ZSWIM4: variants seen among roughly 807,000 people sequenced by gnomAD.
ZSWIM4 encodes the protein zinc finger SWIM domain-containing protein 4.
ZSWIM4 carries 62 observed loss-of-function variants against 102.5 expected under a neutral mutation model. That is an observed-to-expected ratio of 0.60 (90% CI 0.49 to 0.75). The LOEUF (loss-of-function observed/expected upper bound fraction) is 0.75, where lower values mean the gene tolerates loss of function less well. ZSWIM4 is among the 30% of genes least tolerant of loss of function. The pLI, the probability that ZSWIM4 is intolerant of heterozygous loss-of-function variation, is 0.00. For synonymous variants in ZSWIM4, 652 were observed against 674.5 expected, an observed-to-expected ratio of 0.97 and a Z score of 0.52; for missense variants, 1,280 against 1,529.6, an observed-to-expected ratio of 0.84 and a Z score of 2.72.
rs577577279 is a variant in ZSWIM4 at position 13,824,270 on chromosome 19, C to T, written c.2215+770C>T. ...CCTGAACTTCATGACCTCATCTAAA[C>T]CTAATTATTGGCTGGGCACGGTAGC... On this transcript the variant is annotated intron_variant, in intron 11 of 13. Transcript: ENST00000590508. Among the ~76,000 whole-genome samples the T allele has an allele frequency of 5.3e-5, 8 of 152,272 alleles. No individual in the cohort carries two copies. In the South Asian group the frequency reaches 8.3e-4, roughly 16 times the overall value.
At chr19:13,800,857 T>A (rs1009940307) in intron 2 of ZSWIM4, among the ~76,000 whole-genome samples, 1 of 151,592 alleles carries the variant, frequency 6.6e-6, no homozygotes, top group South Asian at 2.1e-4. Context: ...AAAGGAGGGG[T>A]GAGGCCAGAT....
At chr19:13,807,195 C>T (rs1350191671) in intron 3 of ZSWIM4, among the ~76,000 whole-genome samples, 3 of 151,542 alleles carry the variant, frequency 2.0e-5, no homozygotes, top group Non-Finnish European at 4.4e-5. Context: ...GGTGAGTGGG[C>T]AGATAGATCA....
Position 13,832,113 on chromosome 19 carries a change from A to T in ZSWIM4, c.*1063A>T, listed in dbSNP as rs1268944703. On this transcript the variant is annotated 3_prime_UTR_variant, in exon 14 of 14. Transcript: ENST00000590508. ...TTTTCTATTTATTGAACGGTGTATT[A>T]CATGTCCTTTTCCTTTTTTTTTTTC... 1 of 145,106 alleles carries T rather than the reference A, an allele frequency of 6.9e-6. No homozygotes were observed. Among genetic ancestry groups the T allele is most frequent in the Non-Finnish European group, 1.5e-5 (1 of 66,958 alleles). The allele number at this position is 145,106 out of a possible 1,614,324, so 9.0% of individuals were successfully genotyped here.
intron 2 of ZSWIM4, among the ~76,000 whole-genome samples, chr19:13,800,606 A>C (rs1349421962): frequency 6.6e-6 from 1 of 151,828 alleles, no homozygotes; most frequent in East Asian, 1.9e-4. Context: ...ATGGGGTTTT[A>C]CTGTGTTAGC....
At chr19:13,811,193 A>G (rs112980567) in intron 5 of ZSWIM4, among the ~76,000 whole-genome samples, 2,792 of 151,380 alleles carry the variant, frequency 0.018, 87 homozygotes, top group African/African-American at 0.064. Context: ...GATTACAGGC[A>G]TGAGCCACCG....
In ZSWIM4 at chr19:13,809,159, C is replaced by T. The variant is rs528813272; in HGVS notation, c.951C>T (p.Ala317=). 2 of 1,613,482 alleles carry T rather than the reference C, an allele frequency of 1.2e-6. No individual in the cohort carries two copies. Among genetic ancestry groups the T allele is most frequent in the South Asian group, 2.2e-5 (2 of 91,052 alleles). Residue 317 remains alanine (A), a synonymous_variant, in exon 5 of 14, where the codon GCC becomes GCT. Coordinates refer to ENST00000590508, the MANE Select transcript of ZSWIM4 (RefSeq NM_001367834.3). The surrounding 1 kb of genome is among the most constrained non-coding windows in gnomAD (Gnocchi z 4.2). The stretch of plus-strand genomic sequence containing the variant: ...AGTTCCTGCAGGACACGCGCCTGGC[C>T]CTGTGGCGGCAGCAGGGCGCGGGCA... ...TEQFLQDTRL[A]LWRQQGAGMT...
intron 10 of ZSWIM4, among the ~76,000 whole-genome samples, chr19:13,821,716 GT>G (rs1014564341): frequency 3.6e-5 from 5 of 140,832 alleles, no homozygotes; most frequent in South Asian, 2.2e-4. Flanking sequence ...TGCCTGGCTA[GT>G]TTTAAATTTT....
intron 2 of ZSWIM4, among the ~76,000 whole-genome samples, chr19:13,802,559 A>AAG (rs941611816): frequency 2.7e-5 from 4 of 150,864 alleles, no homozygotes; most frequent in Non-Finnish European, 4.4e-5. Flanking sequence ...CAGCCTGGGC[A>AAG]AGAGAGAGAG....
intron 1 of ZSWIM4, among the ~76,000 whole-genome samples, chr19:13,798,353 G>C (rs780662236): frequency 2.0e-5 from 3 of 152,030 alleles, no homozygotes; most frequent in Non-Finnish European, 2.9e-5. Flanking sequence ...TCACTATGTT[G>C]CTCACGCTGG....
At chr19:13,801,431 G>A (rs986237446) in intron 2 of ZSWIM4, among the ~76,000 whole-genome samples, 1 of 152,184 alleles carries the variant, frequency 6.6e-6, no homozygotes, top group African/African-American at 2.4e-5. Flanking sequence ...CAGACCTCGG[G>A]CTGAGGGACC....
chr19:13,813,176 G>T lies in ZSWIM4; in HGVS notation c.1180+12G>T. On this transcript the variant is annotated intron_variant, in intron 6 of 13. Coordinates refer to ENST00000590508, the MANE Select transcript of ZSWIM4 (RefSeq NM_001367834.3). ...GGCCCCCGCCCCAGGTAGGAGAGAGGGGTCTTTACCATGCCCCCCAAAAAC... is the reference window on the plus strand; with the variant it reads ...GGCCCCCGCCCCAGGTAGGAGAGAGTGGTCTTTACCATGCCCCCCAAAAAC... 1 of 1,600,414 alleles carries T rather than the reference G, an allele frequency of 6.2e-7. No individual in the cohort carries two copies. Among genetic ancestry groups the T allele is most frequent in the Non-Finnish European group, 8.5e-7 (1 of 1,171,164 alleles).
intron 8 of ZSWIM4, among the ~76,000 whole-genome samples, 179 bp from the exon 9 acceptor site, chr19:13,817,543 G>C (rs751855524): frequency 2.6e-5 from 4 of 152,218 alleles, no homozygotes; most frequent in Admixed American, 6.5e-5. Context: ...GGCCACCATA[G>C]GCCTAGCTGC....
chr19:13,824,763 A>G (rs894650107), intron 11 of ZSWIM4, among the ~76,000 whole-genome samples: 1 of 149,892 alleles, frequency 6.7e-6, no homozygotes, highest in African/African-American at 2.4e-5. Context: ...AATAATAATA[A>G]TAATAATAAT....
At chr19:13,800,062 AAG>A in intron 2 of ZSWIM4, 141 bp downstream of exon 2, 1 of 517,648 alleles carries the variant, frequency 1.9e-6, no homozygotes. Context: ...AGGATTGTAC[AAG>A]ATTTTTTTTT....
chr19:13,810,587 A>G (rs1311952268), intron 5 of ZSWIM4, among the ~76,000 whole-genome samples: 2 of 151,108 alleles, frequency 1.3e-5, no homozygotes, highest in African/African-American at 2.4e-5. Flanking sequence ...CACCACACCC[A>G]GCCAACATAT....
chr19:13,830,557 C>CGCTGGCCCTGGCGCA lies in ZSWIM4; in HGVS notation c.2832_2846dup (p.Ala945_Leu949dup), dbSNP rs1161294066. On this transcript the variant is annotated inframe_insertion, in exon 14 of 14. Coordinates refer to ENST00000590508, the MANE Select transcript of ZSWIM4 (RefSeq NM_001367834.3). ...CCGCTCCGGGCCTACAAGCTGGCGA[C>CGCTGGCCCTGGCGCA]GCTGGCCCTGGCGCAGCTCAGCATC... The CGCTGGCCCTGGCGCA allele has an allele frequency of 6.3e-7, 1 of 1,599,514 alleles. No homozygotes were observed. Among genetic ancestry groups the CGCTGGCCCTGGCGCA allele is most frequent in the African/African-American group, 1.3e-5 (1 of 74,914 alleles).
Position 13,828,697 on chromosome 19 carries a change from G to A in ZSWIM4, c.2432G>A (p.Arg811His), listed in dbSNP as rs139232826. ...VMTWRRREMV[R>H]WLVSCATEIG... ...ACCTGGCGGCGGAGGGAGATGGTGC[G>A]CTGGCTGGTCAGCTGTGCCACAGAG... Residue 811 changes from arginine to histidine, a missense_variant, in exon 13 of 14, where the codon CGC becomes CAC. Physicochemically the swap from Arg to His is conservative, Grantham distance 29 (BLOSUM62 0). Transcript: ENST00000590508. 6.5e-4 allele frequency: 1,050 copies of A among 1,614,020 alleles called. No individual in the cohort carries two copies. Among genetic ancestry groups the A allele is most frequent in the Non-Finnish European group, 8.6e-4 (1,011 of 1,180,018 alleles).
In ZSWIM4 at chr19:13,825,584, C is replaced by T. The variant is rs758360370; in HGVS notation, c.2250C>T (p.Ser750=). 1.5e-5 allele frequency: 24 copies of T among 1,614,094 alleles called. No individual in the cohort carries two copies. The highest frequency in any genetic ancestry group is 2.0e-5 in the Non-Finnish European group (24 of 1,180,050). The part of the protein sequence containing the change: ...DPKWLHTVLG[S]IQQNIHSPAL... ...AGTGGCTGCACACGGTACTGGGCTC[C>T]ATCCAGCAGAACATCCACTCTCCGG... The change falls in exon 12 of 14, where the codon TCC becomes TCT. Residue 750 remains serine, a synonymous_variant. Transcript: ENST00000590508. The surrounding 1 kb of genome is among the most constrained non-coding windows in gnomAD (Gnocchi z 4.6).
chr19:13,800,684 G>A (rs1282587583), intron 2 of ZSWIM4, among the ~76,000 whole-genome samples: 1 of 152,208 alleles, frequency 6.6e-6, no homozygotes, highest in Non-Finnish European at 1.5e-5. Flanking sequence ...TGGGATTACA[G>A]GCATGAGCCA....
Sources: gnomAD v4.1 joint callset for allele counts (sites outside exome capture counted in the v4.1 genomes callset) on GRCh38, gnomAD v4.1.1 for gene constraint, Gnocchi (gnomAD v3.1) non-coding constraint, MANE v1.5 for transcripts, NCBI Gene and HGNC (gene_info 2026-07-23, HGNC 2026-07-21) for gene names.